Variants in CADM2 observed in about 807,000 individuals in gnomAD.
CADM2 encodes the protein immunoglobulin superfamily member 4D.
CADM2 carries 12 observed loss-of-function variants against 49.8 expected under a neutral mutation model. The ratio of observed to expected loss-of-function variants is 0.24; its 90% CI spans 0.15 to 0.39. The LOEUF is 0.39. Ranked by LOEUF, CADM2 falls within the 10% of genes least tolerant of loss-of-function variation. The pLI is 1.00. For missense variants in CADM2, 378 were observed against 492.3 expected (o/e 0.77, Z 2.20); for synonymous variants, 214 against 175.4 (o/e 1.22, Z -1.74).
At chr3:85,794,196 C>A (rs2071495131) in intron 2 of CADM2, among the ~76,000 whole-genome samples, 1 of 151,816 alleles carries the variant, frequency 6.6e-6, no homozygotes, top group Non-Finnish European at 1.5e-5. Flanking sequence ...TTAAATTTTC[C>A]ATATATTTTC....
At chr3:85,769,411 GTATATACA>G (rs1305659355) in intron 2 of CADM2, among the ~76,000 whole-genome samples, 1 of 69,570 alleles carries the variant, frequency 1.4e-5, no homozygotes, top group Non-Finnish European at 2.5e-5. Context: ...ATATATACAC[GTATATACA>G]TATATACATA....
intron 1 of CADM2, among the ~76,000 whole-genome samples, chr3:85,030,703 A>G (rs1461459608): frequency 6.6e-6 from 1 of 152,012 alleles, no homozygotes; most frequent in Admixed American, 6.6e-5. Context: ...AGAGAACTCC[A>G]TTTACAGCCC....
chr3:85,699,097 ATTAAACT>A (rs938501299), intron 1 of CADM2, among the ~76,000 whole-genome samples: 21 of 152,246 alleles, frequency 1.4e-4, no homozygotes, highest in African/African-American at 4.8e-4. Flanking sequence ...GAGGACAGTG[ATTAAACT>A]TTAATCTCCA....
At chr3:85,997,344 A>T (rs1729552450) in intron 8 of CADM2, among the ~76,000 whole-genome samples, 1 of 152,186 alleles carries the variant, frequency 6.6e-6, no homozygotes, top group Non-Finnish European at 1.5e-5. Context: ...GTCCTTGATT[A>T]TTCATTCATA....
chr3:85,129,303 G>C (rs1444678640), intron 1 of CADM2, among the ~76,000 whole-genome samples: 2 of 151,932 alleles, frequency 1.3e-5, no homozygotes, highest in Middle Eastern at 3.4e-3. Context: ...CTTTTATAGG[G>C]GTTTTCATTT....
At chr3:85,908,194 T>C (rs540309957) in intron 5 of CADM2, among the ~76,000 whole-genome samples, 1 of 148,858 alleles carries the variant, frequency 6.7e-6, no homozygotes, top group African/African-American at 2.5e-5. Context: ...GGAAATATGA[T>C]ATTTTGTGAA....
At chr3:85,500,595 G>C (rs2040075561) in intron 1 of CADM2, among the ~76,000 whole-genome samples, 1 of 151,366 alleles carries the variant, frequency 6.6e-6, no homozygotes, top group South Asian at 2.1e-4. Flanking sequence ...TCAGCTCACT[G>C]CAAGCTCCCT....
intron 8 of CADM2, among the ~76,000 whole-genome samples, chr3:86,039,442 C>T (rs529599831): frequency 5.0e-4 from 76 of 152,194 alleles, no homozygotes; most frequent in Non-Finnish European, 8.8e-4. Context: ...TTATATCCCA[C>T]GCCTGGCTCA....
At chr3:85,384,020 A>G (rs943040092) in intron 1 of CADM2, among the ~76,000 whole-genome samples, 2 of 152,194 alleles carry the variant, frequency 1.3e-5, no homozygotes, top group Non-Finnish European at 2.9e-5. Context: ...AAACTGCTGG[A>G]TTAAATAATT....
At chr3:85,604,253 T>C (rs1272172759) in intron 1 of CADM2, among the ~76,000 whole-genome samples, 2 of 151,934 alleles carry the variant, frequency 1.3e-5, no homozygotes, top group Non-Finnish European at 2.9e-5. Flanking sequence ...ATATTTACAC[T>C]GGAGGGACTT....
At chr3:85,494,344 A>T (rs1006708749) in intron 1 of CADM2, among the ~76,000 whole-genome samples, 4 of 152,136 alleles carry the variant, frequency 2.6e-5, no homozygotes, top group Non-Finnish European at 5.9e-5. Flanking sequence ...CATTTGCTTT[A>T]TGCCAATTAT....
At chr3:85,959,159 TC>T in intron 7 of CADM2, among the ~76,000 whole-genome samples, 1 of 151,050 alleles carries the variant, frequency 6.6e-6, no homozygotes, top group African/African-American at 2.4e-5. Flanking sequence ...TATCTCTCTC[TC>T]TCTCTCTCTC....
chr3:85,640,421 T>A (rs1039630274), intron 1 of CADM2, among the ~76,000 whole-genome samples: 9 of 152,170 alleles, frequency 5.9e-5, no homozygotes, highest in Non-Finnish European at 1.3e-4. Flanking sequence ...GATAACATAT[T>A]ATGGGAGAGT....
At chr3:86,060,273 T>A (rs188684430) in intron 8 of CADM2, among the ~76,000 whole-genome samples, 21 of 152,050 alleles carry the variant, frequency 1.4e-4, no homozygotes, top group Non-Finnish European at 2.6e-4. Flanking sequence ...TCTGAGATTC[T>A]ACTGTAAGAA....
At chr3:85,307,011 T>C (rs2044228740) in intron 1 of CADM2, among the ~76,000 whole-genome samples, 1 of 151,686 alleles carries the variant, frequency 6.6e-6, no homozygotes, top group Non-Finnish European at 1.5e-5. Flanking sequence ...CGTTGACCTG[T>C]TCTTGAACTT....
intron 1 of CADM2, among the ~76,000 whole-genome samples, chr3:85,006,007 T>A (rs1252603954): frequency 6.6e-6 from 1 of 152,134 alleles, no homozygotes; most frequent in Admixed American, 6.6e-5. Flanking sequence ...TACTACTATG[T>A]ATAGATGTAC....
At chr3:85,609,812 T>C (rs2063629499) in intron 1 of CADM2, among the ~76,000 whole-genome samples, 1 of 152,050 alleles carries the variant, frequency 6.6e-6, no homozygotes, top group African/African-American at 2.4e-5. Context: ...AAGTTCATAA[T>C]CGTAATGTGT....
chr3:85,978,797 A>G (rs1164514627), intron 8 of CADM2, among the ~76,000 whole-genome samples: 1 of 151,370 alleles, frequency 6.6e-6, no homozygotes. Context: ...TGTATGTGTC[A>G]TTCTGTTTAC....
At chr3:86,020,455 GA>G (rs1732991286) in intron 8 of CADM2, among the ~76,000 whole-genome samples, 1 of 151,902 alleles carries the variant, frequency 6.6e-6, no homozygotes, top group Non-Finnish European at 1.5e-5. Context: ...CCAATCAATA[GA>G]AAAAGAGGGA....
Sources: gnomAD v4.1 joint callset for allele counts (sites outside exome capture counted in the v4.1 genomes callset) on GRCh38, gnomAD v4.1.1 for gene constraint, MANE v1.5 for transcripts, NCBI Gene and HGNC (gene_info 2026-07-23, HGNC 2026-07-21) for gene names.